The following LRMDA variants were observed in gnomAD, a reference collection of about 807,000 sequenced individuals.
The protein encoded by LRMDA is leucine-rich melanocyte differentiation-associated protein.
In LRMDA, 18 loss-of-function variants were observed where a neutral mutation model predicts 29.8. The ratio of observed to expected loss-of-function variants is 0.60; its 90% CI spans 0.42 to 0.90. The LOEUF (loss-of-function observed/expected upper bound fraction) is 0.90, where lower values mean the gene tolerates loss of function less well. Among genes scored for constraint, LRMDA ranks in the 40% least tolerant of loss-of-function variants. LRMDA has a pLI of 0.00. For synonymous variants in LRMDA, 125 were observed against 109.4 expected (o/e 1.14, Z -0.89); for missense variants, 273 against 273.9 (o/e 1.00, Z 0.02).
intron 5 of LRMDA, among the ~76,000 whole-genome samples, chr10:76,274,351 TA>T (rs1413621759): frequency 5.9e-5 from 9 of 152,210 alleles, no homozygotes; most frequent in African/African-American, 2.2e-4. Flanking sequence ...CATCTGGCTA[TA>T]ATGGGCCTGG....
At chr10:76,189,821 A>G (rs1433743561) in intron 5 of LRMDA, among the ~76,000 whole-genome samples, 1 of 152,156 alleles carries the variant, frequency 6.6e-6, no homozygotes, top group Admixed American at 6.5e-5. Context: ...GGAGGAAAGG[A>G]GTGCTTGTCT....
At chr10:75,647,759 T>C (rs1013287001) in intron 2 of LRMDA, among the ~76,000 whole-genome samples, 5 of 152,144 alleles carry the variant, frequency 3.3e-5, no homozygotes, top group Non-Finnish European at 7.4e-5. Context: ...ATCAAAGATA[T>C]AGCTGGCCCT....
chr10:75,669,466 G>A (rs1841864895), intron 2 of LRMDA, among the ~76,000 whole-genome samples: 1 of 152,096 alleles, frequency 6.6e-6, no homozygotes, highest in South Asian at 2.1e-4. Context: ...AGACACCAAG[G>A]GTTGCATTTC....
intron 6 of LRMDA, among the ~76,000 whole-genome samples, chr10:76,512,892 G>T (rs909330863): frequency 6.6e-6 from 1 of 152,030 alleles, no homozygotes; most frequent in African/African-American, 2.4e-5. Flanking sequence ...CAATGTCAAA[G>T]ATTTAATTTT....
Position 75,679,824 on chromosome 10 carries a change from C to T in LRMDA, c.131+241330C>T, listed in dbSNP as rs558351442. ...TCTGATGTGGCTTAGATTTAATTTC[C>T]TAGTCCACAATAACATCTCCTTCTT... On this transcript the variant is annotated intron_variant, in intron 2 of 6. Transcript: ENST00000611255. Among the ~76,000 whole-genome samples, 13 of 152,172 alleles carry T rather than the reference C, an allele frequency of 8.5e-5. No individual in the cohort carries two copies. In the South Asian group the frequency reaches 2.7e-3, roughly 32 times the overall value.
chr10:75,436,570 C>A (rs956625557), intron 1 of LRMDA, among the ~76,000 whole-genome samples: 1 of 151,976 alleles, frequency 6.6e-6, no homozygotes, highest in African/African-American at 2.4e-5. Flanking sequence ...AGGGTTCACA[C>A]CATTCTCCTA....
intron 5 of LRMDA, among the ~76,000 whole-genome samples, chr10:76,120,130 T>C (rs376399980): frequency 1.3e-5 from 2 of 152,238 alleles, no homozygotes; most frequent in East Asian, 3.9e-4. Context: ...TCTTTGTATC[T>C]ACTATACATT....
At chr10:75,593,302 G>A (rs1369120094) in intron 2 of LRMDA, among the ~76,000 whole-genome samples, 1 of 152,212 alleles carries the variant, frequency 6.6e-6, no homozygotes, top group East Asian at 1.9e-4. Context: ...CGAAAAAGAG[G>A]TTTTGTTTTA....
chr10:76,430,380 G>A (rs1424672539), intron 6 of LRMDA, among the ~76,000 whole-genome samples: 1 of 152,192 alleles, frequency 6.6e-6, no homozygotes, highest in Admixed American at 6.5e-5. Flanking sequence ...ATCTTTTGTT[G>A]GCAGAGGGGC....
intron 5 of LRMDA, among the ~76,000 whole-genome samples, chr10:76,225,809 G>T (rs2132265393): frequency 6.6e-6 from 1 of 151,396 alleles, no homozygotes; most frequent in South Asian, 2.1e-4. Flanking sequence ...CATGTGCCAT[G>T]TTGGTGTGCT....
At chr10:75,782,639 C>G in intron 2 of LRMDA, 1 of 871,022 alleles carries the variant, frequency 1.1e-6, no homozygotes, top group Non-Finnish European at 1.4e-6. Context: ...ATGGCATGTT[C>G]TGAGCTTCTT....
chr10:76,556,689 T>C (rs1193529553), intron 6 of LRMDA, among the ~76,000 whole-genome samples: 1 of 152,172 alleles, frequency 6.6e-6, no homozygotes, highest in Non-Finnish European at 1.5e-5. Context: ...CCTCTCTTCC[T>C]TAATCATCCC....
intron 2 of LRMDA, among the ~76,000 whole-genome samples, chr10:75,632,739 G>C (rs1841339719): frequency 7.0e-6 from 1 of 142,588 alleles, no homozygotes; most frequent in African/African-American, 2.6e-5. Context: ...GGCTGAACAT[G>C]TCCCTAAAGA....
At chr10:75,575,185 C>T (rs919351097) in intron 2 of LRMDA, among the ~76,000 whole-genome samples, 2 of 152,202 alleles carry the variant, frequency 1.3e-5, no homozygotes, top group African/African-American at 2.4e-5. Context: ...TCCTACCAGG[C>T]CCTGCCTACA....
chr10:76,115,595 T>C (rs1212128958), intron 5 of LRMDA, among the ~76,000 whole-genome samples: 1 of 152,178 alleles, frequency 6.6e-6, no homozygotes, highest in African/African-American at 2.4e-5. Flanking sequence ...TCTGTGAAGT[T>C]TGAGTGAGCC....
chr10:75,527,976 G>A (rs1424738175), intron 2 of LRMDA, among the ~76,000 whole-genome samples: 3 of 151,810 alleles, frequency 2.0e-5, no homozygotes, highest in Non-Finnish European at 2.9e-5. Flanking sequence ...TGTAGAGACA[G>A]GGTTTCGCCA....
At chr10:75,896,348 G>T (rs986667296) in intron 2 of LRMDA, among the ~76,000 whole-genome samples, 1 of 152,184 alleles carries the variant, frequency 6.6e-6, no homozygotes, top group Non-Finnish European at 1.5e-5. Context: ...TGATGATGAT[G>T]ATTATGTAAA....
intron 6 of LRMDA, among the ~76,000 whole-genome samples, chr10:76,477,138 A>G (rs1842682500): frequency 6.6e-6 from 1 of 152,128 alleles, no homozygotes; most frequent in Admixed American, 6.5e-5. Context: ...ACATCATTGT[A>G]TATCTAGAAA....
intron 2 of LRMDA, among the ~76,000 whole-genome samples, chr10:75,621,735 C>T (rs1182907189): frequency 6.6e-6 from 1 of 152,148 alleles, no homozygotes; most frequent in African/African-American, 2.4e-5. Flanking sequence ...TCTGAGCCAC[C>T]TTTGAGCGTG....
Sources: gnomAD v4.1 joint callset for allele counts (sites outside exome capture counted in the v4.1 genomes callset) on GRCh38, gnomAD v4.1.1 for gene constraint, MANE v1.5 for transcripts, NCBI Gene and HGNC (gene_info 2026-07-23, HGNC 2026-07-21) for gene names.